Variants in MBNL1 observed in about 807,000 individuals in gnomAD.
The protein encoded by MBNL1 is muscleblind-like protein 1.
MBNL1 carries 8 observed loss-of-function variants against 42.2 expected under a neutral mutation model. The observed-to-expected ratio is 0.19, with a 90% CI of 0.11 to 0.34. The LOEUF is 0.34. Among genes scored for constraint, MBNL1 ranks in the 10% least tolerant of loss-of-function variants. The pLI is 1.00. For missense variants in MBNL1, 309 were observed against 495.3 expected (o/e 0.62, Z 3.57); for synonymous variants, 169 against 173.9 (o/e 0.97, Z 0.22).
chr3:152,423,132 C>A (rs2098834360), intron 3 of MBNL1, among the ~76,000 whole-genome samples: 2 of 152,108 alleles, frequency 1.3e-5, no homozygotes, highest in Admixed American at 1.3e-4. Flanking sequence ...AAAAACCCTT[C>A]AAAAAATCAA....
intron 2 of MBNL1, among the ~76,000 whole-genome samples, chr3:152,322,356 T>TA (rs989597260): frequency 6.6e-6 from 1 of 152,042 alleles, no homozygotes; most frequent in African/African-American, 2.4e-5. Flanking sequence ...TCCCCAAGAT[T>TA]AAAAAAACAC....
At chr3:152,415,736 G>A (rs2098689078) in intron 3 of MBNL1, among the ~76,000 whole-genome samples, 1 of 152,176 alleles carries the variant, frequency 6.6e-6, no homozygotes, top group African/African-American at 2.4e-5. Context: ...TGAAAAACTG[G>A]GTGGTCATAG....
At chr3:152,391,920 A>G (rs1380163065) in intron 2 of MBNL1, among the ~76,000 whole-genome samples, 2 of 152,148 alleles carry the variant, frequency 1.3e-5, no homozygotes, top group Admixed American at 6.6e-5. Flanking sequence ...ATGCATTCCA[A>G]TTCTCTTTTG....
chr3:152,442,069 C>T (rs917505639), intron 4 of MBNL1, among the ~76,000 whole-genome samples: 4 of 152,114 alleles, frequency 2.6e-5, no homozygotes, highest in African/African-American at 7.2e-5. Flanking sequence ...CTGGGATTAC[C>T]AGCTTGAGCC....
chr3:152,260,092 G>C (rs1216375712), intron 2 of MBNL1, among the ~76,000 whole-genome samples: 2 of 152,164 alleles, frequency 1.3e-5, no homozygotes, highest in Non-Finnish European at 2.9e-5. Context: ...ATTATGCCAG[G>C]TGCTCAGTGA....
At chr3:152,415,916 T>C (rs967977180) in intron 3 of MBNL1, among the ~76,000 whole-genome samples, 1 of 152,196 alleles carries the variant, frequency 6.6e-6, no homozygotes, top group Non-Finnish European at 1.5e-5. Flanking sequence ...TAGTGTTAGG[T>C]TGAAAAAGGT....
chr3:152,251,600 T>C (rs959428664), intron 2 of MBNL1, among the ~76,000 whole-genome samples: 2 of 152,100 alleles, frequency 1.3e-5, no homozygotes, highest in Non-Finnish European at 2.9e-5. Context: ...ATTCACTCTT[T>C]TTTTTCATTT....
At chr3:152,312,347 A>AT (rs1253047398) in intron 2 of MBNL1, among the ~76,000 whole-genome samples, 3 of 152,216 alleles carry the variant, frequency 2.0e-5, no homozygotes, top group South Asian at 4.1e-4. Context: ...AGCTAGTGTT[A>AT]TAAGTGTCCT....
chr3:152,417,599 G>C (rs1379433653), intron 3 of MBNL1, among the ~76,000 whole-genome samples: 1 of 151,992 alleles, frequency 6.6e-6, no homozygotes, highest in Non-Finnish European at 1.5e-5. Context: ...GAGACAGCAA[G>C]GTCTAAGCAA....
chr3:152,389,484 G>A (rs946804850), intron 2 of MBNL1, among the ~76,000 whole-genome samples: 7 of 152,086 alleles, frequency 4.6e-5, no homozygotes, highest in Admixed American at 2.0e-4. Context: ...TAGAGTATAC[G>A]TGCACACACC....
chr3:152,318,679 A>G (rs963203782), intron 2 of MBNL1, among the ~76,000 whole-genome samples: 2 of 152,156 alleles, frequency 1.3e-5, no homozygotes, highest in Non-Finnish European at 2.9e-5. Context: ...AGTGCTTAGC[A>G]TGAGCTTGAT....
chr3:152,346,021 A>G (rs548285002), intron 2 of MBNL1, among the ~76,000 whole-genome samples: 1 of 152,160 alleles, frequency 6.6e-6, no homozygotes, highest in South Asian at 2.1e-4. Context: ...TTAGCTTCCT[A>G]TTTTATGAGG....
intron 2 of MBNL1, among the ~76,000 whole-genome samples, chr3:152,318,786 A>G (rs73154164): frequency 9.2e-5 from 14 of 152,286 alleles, no homozygotes; most frequent in Non-Finnish European, 2.1e-4. Flanking sequence ...TATTATGTCA[A>G]TTTGAAGAAC....
Position 152,422,388 on chromosome 3 carries a change from C to A in MBNL1, c.345+7277C>A, listed in dbSNP as rs865955931. 4.6e-5 allele frequency among the ~76,000 whole-genome samples: 7 copies of A among 151,454 alleles called. No homozygotes were observed. In the South Asian group the frequency reaches 1.5e-3, roughly 32 times the overall value. On this transcript the variant is annotated intron_variant, in intron 3 of 9. Transcript: ENST00000324210. The stretch of plus-strand genomic sequence containing the variant: ...CATAATGGTAAAGGGATCAATGCAA[C>A]AAGAAGAGCTAACTATCCTAAATAG...
At chr3:152,347,458 TTATGTCTTTTAAGTCTTCAAA>T (rs2094433584) in intron 2 of MBNL1, among the ~76,000 whole-genome samples, 1 of 152,284 alleles carries the variant, frequency 6.6e-6, no homozygotes, top group East Asian at 1.9e-4. Flanking sequence ...AATTTAGGTT[TTATGTCTTTTAAGTCTTCAAA>T]TAGGCCATTT....
intron 1 of MBNL1, among the ~76,000 whole-genome samples, chr3:152,288,626 T>C (rs983882879): frequency 1.3e-5 from 2 of 152,336 alleles, no homozygotes; most frequent in Admixed American, 6.5e-5. Flanking sequence ...GTCAGAGATT[T>C]CCCAAATACA....
At chr3:152,245,680 G>A (rs1034639713) in intron 2 of MBNL1, among the ~76,000 whole-genome samples, 1 of 152,140 alleles carries the variant, frequency 6.6e-6, no homozygotes, top group East Asian at 1.9e-4. Context: ...ATGTTACCTA[G>A]TACCTAGTTG....
At chr3:152,380,686 T>A (rs2097142541) in intron 2 of MBNL1, among the ~76,000 whole-genome samples, 1 of 152,088 alleles carries the variant, frequency 6.6e-6, no homozygotes, top group Non-Finnish European at 1.5e-5. Context: ...CATTTTCACA[T>A]TATGTACTTT....
intron 2 of MBNL1, among the ~76,000 whole-genome samples, chr3:152,249,575 TCA>T (rs1239030107): frequency 6.2e-5 from 9 of 145,228 alleles, no homozygotes; most frequent in Non-Finnish European, 1.2e-4. Flanking sequence ...GGTTGCCTGT[TCA>T]CTCTGATGGT....
Sources: allele counts gnomAD v4.1 joint callset (sites outside exome capture counted in the v4.1 genomes callset), GRCh38; gene constraint gnomAD v4.1.1; transcripts MANE v1.5; gene names NCBI Gene and HGNC (gene_info 2026-07-23, HGNC 2026-07-21).